TMEM120B: variants seen among roughly 807,000 people sequenced by gnomAD.
TMEM120B encodes transmembrane protein 120B.
A neutral mutation model predicts 55.5 loss-of-function variants in TMEM120B; 31 were observed. That is an observed-to-expected ratio of 0.56 (90% CI 0.42 to 0.75). The LOEUF is 0.75. Among genes scored for constraint, TMEM120B ranks in the 30% least tolerant of loss-of-function variants. The pLI, the probability that TMEM120B is intolerant of heterozygous loss-of-function variation, is 0.00. For synonymous variants in TMEM120B, 203 were observed against 176.3 expected (o/e 1.15, Z -1.20); for missense variants, 399 against 425.5 (o/e 0.94, Z 0.55).
chr12:121,730,575 C>T (rs1429711339), intron 1 of TMEM120B, among the ~76,000 whole-genome samples: 1 of 148,628 alleles, frequency 6.7e-6, no homozygotes, highest in Non-Finnish European at 1.5e-5. Context: ...CACTTCAATC[C>T]AGGAGGCGGA....
chr12:121,716,888 A>G (rs968828171), intron 1 of TMEM120B, among the ~76,000 whole-genome samples: 2 of 152,142 alleles, frequency 1.3e-5, no homozygotes, highest in Non-Finnish European at 2.9e-5. Context: ...GGAAAGAAAG[A>G]GCAAACCTAA....
rs1433461843 is a variant in TMEM120B, at chr12:121,713,981, A to G, written c.69+1017A>G. On this transcript the variant is annotated intron_variant, in intron 1 of 11. Transcript: ENST00000449592. ...GTTCAGTTGGCCTCCTACAGTGTGC[A>G]GAGGGGAGAGGAGGTTGCCAAGGGT... Among the ~76,000 whole-genome samples the G allele has an allele frequency of 2.0e-5, 3 of 152,222 alleles. No individual in the cohort carries two copies. The East Asian group carries it at 5.8e-4, about 29-fold the overall frequency.
chr12:121,769,929 G>A (rs1038693068), intron 6 of TMEM120B, among the ~76,000 whole-genome samples: 1 of 152,044 alleles, frequency 6.6e-6, no homozygotes, highest in African/African-American at 2.4e-5. Flanking sequence ...GGTGAAGTGG[G>A]GCAGTGTGAT....
intron 1 of TMEM120B, among the ~76,000 whole-genome samples, chr12:121,724,077 A>C (rs1592924283): frequency 8.9e-6 from 1 of 112,454 alleles, no homozygotes. Flanking sequence ...TTGCACTGTC[A>C]CCCAGGCTGG....
intron 1 of TMEM120B, among the ~76,000 whole-genome samples, chr12:121,716,153 A>G (rs1192656979): frequency 6.6e-6 from 1 of 151,406 alleles, no homozygotes; most frequent in Non-Finnish European, 1.5e-5. Flanking sequence ...ACAGTAAAAA[A>G]AAAAAATTGC....
chr12:121,753,903 C>T (rs775774920), intron 5 of TMEM120B, among the ~76,000 whole-genome samples: 3 of 152,082 alleles, frequency 2.0e-5, no homozygotes, highest in East Asian at 1.9e-4. Flanking sequence ...CACGTGGAGG[C>T]GCTGCTGGGG....
At chr12:121,723,989 A>G (rs1238070413) in intron 1 of TMEM120B, among the ~76,000 whole-genome samples, 3 of 143,104 alleles carry the variant, frequency 2.1e-5, no homozygotes, top group Non-Finnish European at 4.5e-5. Flanking sequence ...TTTTTGAGAC[A>G]TGGGATCTCA....
Position 121,780,517 on chromosome 12 carries a change from A to G in TMEM120B, c.*4795A>G. On this transcript the variant is annotated 3_prime_UTR_variant, in exon 12 of 12. Coordinates refer to ENST00000449592, the MANE Select transcript of TMEM120B (RefSeq NM_001080825.2). ...TCAAACAAGGCAGACAGGACACGAC[A>G]GGACGGCGGCTCATAGCACAGACTT... 1 of 424,732 alleles carries G rather than the reference A, an allele frequency of 2.4e-6. No individual in the cohort carries two copies. The allele number at this position is 424,732 out of a possible 1,614,324, so 26.3% of individuals were successfully genotyped here. A position where few individuals can be genotyped will look rare whatever the true frequency, so the allele number is the denominator to read the frequency against.
Position 121,771,476 on chromosome 12 carries a change from C to T in TMEM120B, c.618-12C>T. 1.2e-6 allele frequency: 2 copies of T among 1,613,354 alleles called. No homozygotes were observed. The highest frequency in any genetic ancestry group is 1.7e-6 in the Non-Finnish European group (2 of 1,179,380). Reference sequence around the variant, plus strand: ...TGGGCCCCACCTTTGTTTTTTCCTACCTTCTCTCCAGGCCTAATGGACCCA... The same window carrying T: ...TGGGCCCCACCTTTGTTTTTTCCTATCTTCTCTCCAGGCCTAATGGACCCA... On this transcript the variant is annotated splice_polypyrimidine_tract_variant and intron_variant, in intron 7 of 11. Coordinates refer to ENST00000449592, the MANE Select transcript of TMEM120B (RefSeq NM_001080825.2).
chr12:121,779,444 G>C lies in TMEM120B; in HGVS notation c.*3722G>C. On this transcript the variant is annotated 3_prime_UTR_variant, in exon 12 of 12. Coordinates refer to ENST00000449592, the MANE Select transcript of TMEM120B (RefSeq NM_001080825.2). ...TGGGGCAGCCTCCCTGGTGCAATCG[G>C]CACCTGGGCCCCCGGGCCCTGTCAG... 2 of 1,586,628 alleles carry C rather than the reference G, an allele frequency of 1.3e-6. No homozygotes were observed. The highest frequency in any genetic ancestry group is 1.7e-6 in the Non-Finnish European group (2 of 1,167,868).
chr12:121,738,973 G>A (rs1272051096), intron 1 of TMEM120B, among the ~76,000 whole-genome samples: 2 of 145,798 alleles, frequency 1.4e-5, no homozygotes, highest in Non-Finnish European at 3.0e-5. Flanking sequence ...GATCATTTGA[G>A]GTCAGGAGTT....
At chr12:121,768,114 G>C (rs778737269) in intron 6 of TMEM120B, among the ~76,000 whole-genome samples, 1 of 152,166 alleles carries the variant, frequency 6.6e-6, no homozygotes, top group Admixed American at 6.6e-5. Flanking sequence ...TCTGACAGGC[G>C]AGACTAGGAT....
chr12:121,734,640 A>G (rs1221368065), intron 1 of TMEM120B, among the ~76,000 whole-genome samples: 1 of 151,780 alleles, frequency 6.6e-6, no homozygotes, highest in Non-Finnish European at 1.5e-5. Flanking sequence ...CAGGCTGGGC[A>G]TGGTGGCTCA....
chr12:121,772,062 CCTTTCTTTTT>C (rs1874074522), intron 8 of TMEM120B, among the ~76,000 whole-genome samples: 2 of 140,728 alleles, frequency 1.4e-5, no homozygotes, highest in East Asian at 2.2e-4. Context: ...TCTTTTTCTT[CCTTTCTTTTT>C]CTTTCTTTCT....
chr12:121,766,182 A>T (rs910034829), intron 6 of TMEM120B, among the ~76,000 whole-genome samples: 1 of 151,934 alleles, frequency 6.6e-6, no homozygotes, highest in African/African-American at 2.4e-5. Context: ...TTGGGACAGG[A>T]GGTGTGGTCA....
intron 7 of TMEM120B, 48 bp downstream of exon 7, chr12:121,771,020 C>G (rs930984456): frequency 4.4e-6 from 7 of 1,597,984 alleles, no homozygotes; most frequent in Non-Finnish European, 6.0e-6. Flanking sequence ...GGAGTAGAGC[C>G]TGGGGCCCGG....
At chr12:121,757,617 T>C (rs112208451) in intron 5 of TMEM120B, among the ~76,000 whole-genome samples, 13,497 of 150,436 alleles carry the variant, frequency 0.09, 1,065 homozygotes, top group African/African-American at 0.21. Flanking sequence ...CCTGGGTTCA[T>C]GCCATTCTCC....
chr12:121,722,398 C>A (rs933656702), intron 1 of TMEM120B, among the ~76,000 whole-genome samples: 4 of 152,092 alleles, frequency 2.6e-5, no homozygotes, highest in African/African-American at 7.2e-5. Context: ...TGCCCGGCCT[C>A]CATTCTACAT....
rs563684096 is a variant in TMEM120B, at chr12:121,745,246, G to A, written c.188+1499G>A. ...CATTCTGAGATGTGTCTGCTGACTT[G>A]TTTTCTGGTTTTGAGAGTTCCGTGT... On this transcript the variant is annotated intron_variant, in intron 2 of 11. Transcript: ENST00000449592. Among the ~76,000 whole-genome samples, 4 of 152,288 alleles carry A rather than the reference G, an allele frequency of 2.6e-5. No individual in the cohort carries two copies. In the South Asian group the frequency reaches 8.3e-4, roughly 32 times the overall value.
Sources: allele counts gnomAD v4.1 joint callset (sites outside exome capture counted in the v4.1 genomes callset), GRCh38; gene constraint gnomAD v4.1.1; transcripts MANE v1.5; gene names NCBI Gene and HGNC (gene_info 2026-07-23, HGNC 2026-07-21).